The following WDR93 variants were observed in gnomAD, a reference collection of about 807,000 sequenced individuals.
WDR93 encodes WD repeat domain 93, also known as WD repeat-containing protein 93.
WDR93 carries 73 observed loss-of-function variants against 82.9 expected under a neutral mutation model. That is an observed-to-expected ratio of 0.88 (90% confidence interval 0.73 to 1.07). The LOEUF is 1.07. Among genes scored for constraint, WDR93 ranks in the 50% least tolerant of loss-of-function variants. The pLI, the probability that WDR93 is intolerant of heterozygous loss-of-function variation, is 0.00. For missense variants in WDR93, 738 were observed against 826.0 expected (o/e 0.89, Z 1.31); for synonymous variants, 283 against 300.1 (o/e 0.94, Z 0.59).
intron 7 of WDR93, among the ~76,000 whole-genome samples, chr15:89,717,150 C>A (rs766598488): frequency 1.1e-4 from 17 of 150,398 alleles, no homozygotes; most frequent in Non-Finnish European, 2.4e-4. Context: ...ACTTCTGCCC[C>A]CCAGGTTCAA....
intron 1 of WDR93, among the ~76,000 whole-genome samples, chr15:89,692,525 G>A (rs1033785196): frequency 6.6e-6 from 1 of 152,232 alleles, no homozygotes; most frequent in Non-Finnish European, 1.5e-5. Context: ...AAGGAACACA[G>A]TAAACTGATA....
At chr15:89,709,813 T>C (rs1965879914) in intron 4 of WDR93, among the ~76,000 whole-genome samples, 2 of 152,008 alleles carry the variant, frequency 1.3e-5, no homozygotes, top group South Asian at 2.1e-4. Flanking sequence ...AAAACATTTG[T>C]TCACAAAAAG....
chr15:89,690,558 C>A (rs768879552), upstream of WDR93: 1 of 1,547,298 alleles, frequency 6.5e-7, no homozygotes, highest in South Asian at 1.2e-5. Flanking sequence ...GGGGCGGAGG[C>A]CGCTGGCACC....
intron 12 of WDR93, among the ~76,000 whole-genome samples, chr15:89,732,644 G>A (rs950503530): frequency 1.0e-4 from 14 of 135,742 alleles, no homozygotes; most frequent in African/African-American, 3.2e-4. Flanking sequence ...CACACACACC[G>A]CCTTTTCTGA....
intron 4 of WDR93, among the ~76,000 whole-genome samples, chr15:89,707,186 A>T (rs1438639453): frequency 6.6e-6 from 1 of 152,250 alleles, no homozygotes; most frequent in Admixed American, 6.5e-5. Flanking sequence ...ATCATTAGTC[A>T]TTAGGGAGGT....
In WDR93 at chr15:89,735,558, G is replaced by A. The variant is rs747184644; in HGVS notation, c.1608+5G>A. 1.9e-6 allele frequency: 3 copies of A among 1,613,518 alleles called. No individual in the cohort carries two copies. Among genetic ancestry groups the A allele is most frequent in the Non-Finnish European group, 1.7e-6 (2 of 1,179,470 alleles). On this transcript the variant is annotated splice_donor_5th_base_variant and intron_variant, in intron 14 of 16. Coordinates refer to ENST00000268130, the MANE Select transcript of WDR93 (RefSeq NM_020212.2). ...GTCCCAGCCTTACCTGGCATGGTAG[G>A]TTCCCCATGCCTCTCTGTAAATGCC...
intron 1 of WDR93, among the ~76,000 whole-genome samples, chr15:89,698,216 C>T (rs116704767): frequency 3.4e-4 from 51 of 152,222 alleles, no homozygotes; most frequent in African/African-American, 1.2e-3. Context: ...ACTTCTTTAT[C>T]GCAGGTAATA....
upstream of WDR93, chr15:89,690,437 A>T: frequency 1.6e-6 from 1 of 626,774 alleles, no homozygotes; most frequent in Non-Finnish European, 2.8e-6. Flanking sequence ...CGGATACTAA[A>T]CTCCCTCCGT....
intron 6 of WDR93, among the ~76,000 whole-genome samples, chr15:89,716,630 A>T (rs979865500): frequency 2.6e-5 from 4 of 152,228 alleles, no homozygotes; most frequent in African/African-American, 9.6e-5. Flanking sequence ...GATTCTTGTA[A>T]TGGTGTTCTG....
chr15:89,707,050 C>T (rs373757073), intron 4 of WDR93, among the ~76,000 whole-genome samples: 6 of 151,892 alleles, frequency 4.0e-5, no homozygotes, highest in African/African-American at 1.2e-4. Flanking sequence ...TGATAAGGGA[C>T]TTGTAACCAG....
intron 8 of WDR93, 115 bp from the exon 9 acceptor site, chr15:89,727,042 C>G (rs958980405): frequency 8.3e-7 from 1 of 1,207,546 alleles, no homozygotes; most frequent in Admixed American, 2.3e-5. Context: ...GAGCAAGAAT[C>G]GATTTCTGAG....
At chr15:89,700,865 T>G (rs1965426572) in intron 1 of WDR93, among the ~76,000 whole-genome samples, 1 of 152,126 alleles carries the variant, frequency 6.6e-6, no homozygotes, top group African/African-American at 2.4e-5. Context: ...CCTACAATTT[T>G]GAATTTTCTG....
chr15:89,729,108 A>C lies in WDR93; in HGVS notation c.1123+15A>C, dbSNP rs370324479. 1.2e-6 allele frequency: 2 copies of C among 1,612,652 alleles called. No individual in the cohort carries two copies. The highest frequency in any genetic ancestry group is 2.7e-5 in the African/African-American group (2 of 74,882). ...GGGCCCCTCAGGTAAATGAACATGA[A>C]GTGGGTGGTTGTCCTAGCAAGGAGT... On this transcript the variant is annotated intron_variant, in intron 10 of 16. Coordinates refer to ENST00000268130, the MANE Select transcript of WDR93 (RefSeq NM_020212.2).
At position 89,718,463 on chromosome 15, in the gene WDR93, T is replaced by TA. The variant is rs757527210; in HGVS notation, c.795+1529dup. On this transcript the variant is annotated intron_variant, in intron 7 of 16. Coordinates refer to ENST00000268130, the MANE Select transcript of WDR93 (RefSeq NM_020212.2). ...CACTCCAGCCTGGGAGACAGCTGTC[T>TA]AAAAAAAAAAAAAAATTAGCCAGGT... Among the ~76,000 whole-genome samples, 1,284 of 133,174 alleles carry TA rather than the reference T, an allele frequency of 9.6e-3. 10 individuals carry two copies. The highest frequency in any genetic ancestry group is 0.011 in the South Asian group (47 of 4,160). 87.4% of individuals were successfully genotyped at this position (133,174 alleles called of 152,430 possible). A position where few individuals can be genotyped will look rare whatever the true frequency, so the allele number is the denominator to read the frequency against.
At chr15:89,731,375 G>T in intron 11 of WDR93, 68 bp from the exon 12 acceptor site, 2 of 1,593,704 alleles carry the variant, frequency 1.3e-6, no homozygotes, top group Non-Finnish European at 1.7e-6. Context: ...GTCACAGGTT[G>T]TCCAGGTAGA....
chr15:89,731,837 A>G (rs1966862460), intron 12 of WDR93, among the ~76,000 whole-genome samples: 1 of 152,168 alleles, frequency 6.6e-6, no homozygotes, highest in Non-Finnish European at 1.5e-5. Context: ...CATTGCCTTC[A>G]TTATTACACT....
intron 1 of WDR93, among the ~76,000 whole-genome samples, chr15:89,691,810 T>TA (rs2141564332): frequency 6.6e-6 from 1 of 152,292 alleles, no homozygotes; most frequent in Admixed American, 6.5e-5. Context: ...AGGCCCTGGG[T>TA]AAGAGTACAA....
intron 8 of WDR93, among the ~76,000 whole-genome samples, chr15:89,724,933 G>A (rs12185123): frequency 0.42 from 64,118 of 151,950 alleles, 14,051 homozygotes; most frequent in African/African-American, 0.49. Flanking sequence ...AATAATTTGT[G>A]TCCTATGACA....
intron 12 of WDR93, among the ~76,000 whole-genome samples, 177 bp from the exon 13 acceptor site, chr15:89,732,829 G>A (rs3825867): frequency 0.3 from 45,280 of 151,936 alleles, 7,345 homozygotes; most frequent in South Asian, 0.38. Flanking sequence ...CCCTGCAGGG[G>A]GCTTTTCTCT....
Sources: allele counts gnomAD v4.1 joint callset (sites outside exome capture counted in the v4.1 genomes callset), GRCh38; gene constraint gnomAD v4.1.1; transcripts MANE v1.5; gene names NCBI Gene and HGNC (gene_info 2026-07-23, HGNC 2026-07-21).